Variants in CDYL2 observed in about 807,000 individuals in gnomAD.
CDYL2 encodes chromodomain Y like 2.
A neutral mutation model predicts 49.4 loss-of-function variants in CDYL2; 23 were observed. That is an observed-to-expected ratio of 0.47 (90% confidence interval 0.34 to 0.66). The LOEUF is 0.66. CDYL2 is among the 30% of genes least tolerant of loss of function. CDYL2 has a pLI of 0.01. For missense variants in CDYL2, 678 were observed against 656.4 expected, an observed-to-expected ratio of 1.03 and a Z score of -0.36; for synonymous variants, 360 against 268.8, an observed-to-expected ratio of 1.34 and a Z score of -3.32.
intron 1 of CDYL2, among the ~76,000 whole-genome samples, chr16:80,797,041 C>T (rs1192860505): frequency 6.6e-6 from 1 of 152,130 alleles, no homozygotes; most frequent in Non-Finnish European, 1.5e-5. Flanking sequence ...GTACATCTGA[C>T]CTTATTTCTC....
intron 2 of CDYL2, among the ~76,000 whole-genome samples, chr16:80,657,099 A>C (rs1262357504): frequency 6.6e-6 from 1 of 152,250 alleles, no homozygotes; most frequent in East Asian, 1.9e-4. Flanking sequence ...GCACACCAAA[A>C]TACCAAAACT....
At position 80,668,464 on chromosome 16, in the gene CDYL2, TATATA is replaced by T. The variant is rs138913000; in HGVS notation, c.616+16069_616+16073del. On this transcript the variant is annotated intron_variant, in intron 2 of 6. Transcript: ENST00000570137. ...TAAGTAAATATGTAATATAATCACATATATAATATATGGTATGTAATAAAGTACAT... is the reference window on the plus strand; with the variant it reads ...TAAGTAAATATGTAATATAATCACATATATATGGTATGTAATAAAGTACAT... Among the ~76,000 whole-genome samples, 1,192 of 151,228 alleles carry T rather than the reference TATATA, an allele frequency of 7.9e-3. 17 individuals are homozygous for T. Among genetic ancestry groups the T allele is most frequent in the African/African-American group, 0.027 (1,120 of 41,262 alleles).
chr16:80,673,463 CT>C (rs1396603470), intron 2 of CDYL2, among the ~76,000 whole-genome samples: 1 of 152,170 alleles, frequency 6.6e-6, no homozygotes, highest in Non-Finnish European at 1.5e-5. Flanking sequence ...AAATAATCTA[CT>C]TGATGTGGCT....
intron 3 of CDYL2, chr16:80,632,765 A>G: frequency 4.5e-6 from 2 of 444,988 alleles, no homozygotes; most frequent in Middle Eastern, 6.3e-4. Context: ...GTCTGTGTCC[A>G]CGATCAGTTC....
At chr16:80,654,534 C>T (rs913683029) in intron 2 of CDYL2, among the ~76,000 whole-genome samples, 6 of 152,208 alleles carry the variant, frequency 3.9e-5, no homozygotes, top group South Asian at 2.1e-4. Context: ...CTGCATAACA[C>T]CCGTGGCACC....
At chr16:80,755,614 T>A (rs967334517) in intron 1 of CDYL2, among the ~76,000 whole-genome samples, 3 of 152,190 alleles carry the variant, frequency 2.0e-5, no homozygotes, top group Non-Finnish European at 4.4e-5. Context: ...GAGATACTTA[T>A]CCTCAGAAAC....
intron 2 of CDYL2, among the ~76,000 whole-genome samples, chr16:80,675,910 C>A (rs1460724190): frequency 1.3e-5 from 2 of 152,114 alleles, no homozygotes; most frequent in Non-Finnish European, 2.9e-5. Context: ...TTCCTAAGGA[C>A]ATTGAGGGAG....
At chr16:80,776,532 T>G (rs929672304) in intron 1 of CDYL2, among the ~76,000 whole-genome samples, 1 of 151,382 alleles carries the variant, frequency 6.6e-6, no homozygotes, top group African/African-American at 2.4e-5. Flanking sequence ...AATGTATAAA[T>G]AAATTCCATA....
chr16:80,777,145 A>C (rs2142401111), intron 1 of CDYL2, among the ~76,000 whole-genome samples: 1 of 152,284 alleles, frequency 6.6e-6, no homozygotes, highest in Non-Finnish European at 1.5e-5. Flanking sequence ...TTTAAAGTCA[A>C]GAAAATAAGC....
intron 5 of CDYL2, among the ~76,000 whole-genome samples, chr16:80,611,772 A>G (rs1018710795): frequency 2.0e-5 from 3 of 152,178 alleles, no homozygotes; most frequent in African/African-American, 7.2e-5. Flanking sequence ...GACGGCGTTG[A>G]CAGCCCAGCC....
chr16:80,692,206 G>C (rs1228905800), intron 1 of CDYL2, among the ~76,000 whole-genome samples: 1 of 152,184 alleles, frequency 6.6e-6, no homozygotes, highest in Non-Finnish European at 1.5e-5. Context: ...GGGAAGGAGA[G>C]TTTGAGAATA....
chr16:80,704,104 A>C (rs1484091361), intron 1 of CDYL2, among the ~76,000 whole-genome samples: 1 of 152,182 alleles, frequency 6.6e-6, no homozygotes, highest in Non-Finnish European at 1.5e-5. Context: ...GAGGTCAGTG[A>C]GGTACATTAG....
chr16:80,766,049 T>C (rs1305861583), intron 1 of CDYL2, among the ~76,000 whole-genome samples: 1 of 151,234 alleles, frequency 6.6e-6, no homozygotes, highest in Non-Finnish European at 1.5e-5. Flanking sequence ...AGACGGAAAG[T>C]AGATTAGTGG....
rs1400221389 is a variant in CDYL2, at chr16:80,601,146, CA to C, written c.*3241del. 1.3e-5 allele frequency: 2 copies of C among 152,148 alleles called. No individual in the cohort carries two copies. The highest frequency in any genetic ancestry group is 4.8e-5 in the African/African-American group (2 of 41,430). 9.4% of individuals were successfully genotyped at this position (152,148 alleles called of 1,614,324 possible). A position where few individuals can be genotyped will look rare whatever the true frequency, so the allele number is the denominator to read the frequency against. On this transcript the variant is annotated 3_prime_UTR_variant, in exon 7 of 7. Coordinates refer to ENST00000570137, the MANE Select transcript of CDYL2 (RefSeq NM_152342.4). ...TACATCAGCATTAGGCTGTGTCTTC[CA>C]AATGGTGGTGAGAAGGTATGACCAC...
At chr16:80,777,811 C>A (rs891102887) in intron 1 of CDYL2, among the ~76,000 whole-genome samples, 3 of 151,788 alleles carry the variant, frequency 2.0e-5, no homozygotes, top group African/African-American at 4.8e-5. Flanking sequence ...TTCCTAAAAA[C>A]AGGAAAAAAA....
intron 1 of CDYL2, among the ~76,000 whole-genome samples, chr16:80,720,505 G>A (rs1439915663): frequency 6.6e-6 from 1 of 152,192 alleles, no homozygotes; most frequent in African/African-American, 2.4e-5. Context: ...AGAAAGGAGG[G>A]TATGCTCGTC....
At chr16:80,721,215 C>A (rs1904987562) in intron 1 of CDYL2, among the ~76,000 whole-genome samples, 1 of 152,162 alleles carries the variant, frequency 6.6e-6, no homozygotes, top group Non-Finnish European at 1.5e-5. Flanking sequence ...TAGCTGTTTG[C>A]TGTCTGCACA....
chr16:80,739,224 A>T (rs558752949), intron 1 of CDYL2, among the ~76,000 whole-genome samples: 1 of 152,312 alleles, frequency 6.6e-6, no homozygotes, highest in East Asian at 1.9e-4. Flanking sequence ...AGAAAGTGGA[A>T]TCGTGGTTAC....
At chr16:80,699,987 C>A (rs1904292575) in intron 1 of CDYL2, among the ~76,000 whole-genome samples, 1 of 152,134 alleles carries the variant, frequency 6.6e-6, no homozygotes, top group South Asian at 2.1e-4. Context: ...CCTGCCTCAG[C>A]CTCCCGAGTA....
Sources: allele counts gnomAD v4.1 joint callset (sites outside exome capture counted in the v4.1 genomes callset), GRCh38; gene constraint gnomAD v4.1.1; transcripts MANE v1.5; gene names NCBI Gene and HGNC (gene_info 2026-07-23, HGNC 2026-07-21).